Variants in DIXDC1 observed in about 807,000 individuals in gnomAD.
DIXDC1 encodes the protein DIX domain containing 1, also known as dixin.
Under a neutral mutation model 103.1 loss-of-function variants are expected in DIXDC1, and 64 were observed. The ratio of observed to expected loss-of-function variants is 0.62; its 90% CI spans 0.51 to 0.76. The LOEUF (loss-of-function observed/expected upper bound fraction) is 0.76. Among genes scored for constraint, DIXDC1 ranks in the 30% least tolerant of loss-of-function variants. DIXDC1 has a pLI of 0.00. For missense variants in DIXDC1, 759 were observed against 834.2 expected, an observed-to-expected ratio of 0.91 and a Z score of 1.11; for synonymous variants, 266 against 298.5, an observed-to-expected ratio of 0.89 and a Z score of 1.12.
At chr11:111,955,703 C>T (rs1966903750) in intron 1 of DIXDC1, among the ~76,000 whole-genome samples, 2 of 150,572 alleles carry the variant, frequency 1.3e-5, no homozygotes, top group African/African-American at 2.4e-5. Context: ...GGCATAGTGG[C>T]GCATGCCTGT....
chr11:111,951,856 A>G (rs1592555973), intron 1 of DIXDC1, among the ~76,000 whole-genome samples: 1 of 129,278 alleles, frequency 7.7e-6, no homozygotes, highest in East Asian at 2.3e-4. Context: ...GTGGAACTAT[A>G]AGTCCATTAA....
intron 1 of DIXDC1, among the ~76,000 whole-genome samples, chr11:111,952,356 C>T (rs1966839531): frequency 6.6e-6 from 1 of 152,126 alleles, no homozygotes; most frequent in African/African-American, 2.4e-5. Context: ...CAAATTGACA[C>T]TAAAGTTCAT....
chr11:112,007,084 A>G (rs1042882294), intron 17 of DIXDC1, among the ~76,000 whole-genome samples: 2 of 152,250 alleles, frequency 1.3e-5, no homozygotes, highest in African/African-American at 2.4e-5. Flanking sequence ...ATGGCTAACT[A>G]GAATAAACAG....
chr11:111,940,193 A>G (rs1555168669), intron 1 of DIXDC1, among the ~76,000 whole-genome samples: 1 of 152,262 alleles, frequency 6.6e-6, no homozygotes, highest in Admixed American at 6.5e-5. Flanking sequence ...GCCACTATGT[A>G]TAGCCATGCA....
At chr11:111,927,643 G>C (rs1216114516) in intron 1 of DIXDC1, among the ~76,000 whole-genome samples, 2 of 152,100 alleles carry the variant, frequency 1.3e-5, no homozygotes, top group Non-Finnish European at 2.9e-5. Context: ...CTGCCTCTCT[G>C]CTGGTCCCTA....
rs1311551010 is a variant in DIXDC1, at chr11:112,010,771, C to G, written c.1757-5920C>G. On this transcript the variant is annotated intron_variant, in intron 17 of 19. Coordinates refer to ENST00000440460, the MANE Select transcript of DIXDC1 (RefSeq NM_001037954.4). Reference sequence around the variant, plus strand: ...CATATGTAGAAAGTTGAAACTGGATCCCTTCCTTACACCTTATACAAAAAT... The same window carrying G: ...CATATGTAGAAAGTTGAAACTGGATGCCTTCCTTACACCTTATACAAAAAT... Among the ~76,000 whole-genome samples the G allele has an allele frequency of 2.6e-5, 4 of 152,158 alleles. No individual in the cohort carries two copies. In the East Asian group the frequency reaches 7.7e-4, roughly 29 times the overall value.
Position 112,017,787 on chromosome 11 carries a change from G to T in DIXDC1, c.1873G>T (p.Val625Leu), listed in dbSNP as rs1322409992. ...MVNIPKRLEE[V>L]TLKDFKAAID... ...CTCCTTGTGTTGCAGGTTGGAGGAG[G>T]TGACGTTAAAGGATTTTAAAGCAGC... Residue 625 changes from valine (V) to leucine (L), a missense_variant, in exon 19 of 20, where the codon GTG becomes TTG. This residue lies in a region of DIXDC1 where 657 missense variants were observed against 727.5 expected (regional missense o/e 0.90). Coordinates refer to ENST00000440460, the MANE Select transcript of DIXDC1 (RefSeq NM_001037954.4). This position sits in a 1 kb window ranked among gnomAD's most constrained non-coding sequence, Gnocchi z 4.0. 2 of 1,609,250 alleles carry T rather than the reference G, an allele frequency of 1.2e-6. No homozygotes were observed. The highest frequency in any genetic ancestry group is 1.7e-6 in the Non-Finnish European group (2 of 1,177,598).
intron 17 of DIXDC1, among the ~76,000 whole-genome samples, chr11:112,004,089 T>C (rs1861158575): frequency 6.9e-6 from 1 of 145,788 alleles, no homozygotes; most frequent in African/African-American, 2.7e-5. Context: ...TGTGTATATG[T>C]GTATATATAT....
upstream of DIXDC1, among the ~76,000 whole-genome samples, chr11:111,933,867 A>G (rs1966116470): frequency 6.6e-6 from 1 of 152,142 alleles, no homozygotes; most frequent in African/African-American, 2.4e-5. Flanking sequence ...TCTTATTTTT[A>G]TGCAGAGAGA....
At chr11:112,007,598 CA>C (rs1861276386) in intron 17 of DIXDC1, among the ~76,000 whole-genome samples, 1 of 152,210 alleles carries the variant, frequency 6.6e-6, no homozygotes, top group South Asian at 2.1e-4. Flanking sequence ...ATCAGACTAA[CA>C]GCGGATCTCT....
chr11:111,986,645 T>G (rs1183139784), intron 8 of DIXDC1, among the ~76,000 whole-genome samples: 3 of 152,094 alleles, frequency 2.0e-5, no homozygotes, highest in African/African-American at 7.2e-5. Context: ...ATTACAGATG[T>G]GAGCCACCAC....
Position 111,977,843 on chromosome 11 carries a change from CAG to C in DIXDC1, c.656+2861_656+2862del. The stretch of plus-strand genomic sequence containing the variant: ...TGGAAGTGGGGGGCCTGGGTGGGAA[CAG>C]GGGCAGGGCTGGAGGATGCTGTTGG... On this transcript the variant is annotated intron_variant, in intron 5 of 19. Transcript: ENST00000440460. The surrounding 1 kb of genome is among the most constrained non-coding windows in gnomAD (Gnocchi z 6.1). The C allele has an allele frequency of 6.5e-7, 1 of 1,529,624 alleles. No homozygotes were observed. The highest frequency in any genetic ancestry group is 1.2e-5 in the South Asian group (1 of 81,716). The allele number at this position is 1,529,624 out of a possible 1,614,324, so 94.8% of individuals were successfully genotyped here. A position where few individuals can be genotyped will look rare whatever the true frequency, so the allele number is the denominator to read the frequency against.
At chr11:111,987,384 G>T (rs587647780) in intron 9 of DIXDC1, among the ~76,000 whole-genome samples, 6 of 152,140 alleles carry the variant, frequency 3.9e-5, no homozygotes, top group African/African-American at 1.4e-4. Context: ...TGTCAGGAAG[G>T]TAATAACTTT....
chr11:112,001,959 G>T (rs1190591895), intron 17 of DIXDC1, among the ~76,000 whole-genome samples: 2 of 152,006 alleles, frequency 1.3e-5, no homozygotes, highest in African/African-American at 4.8e-5. Context: ...TTTTCACCAT[G>T]TTGGCCAGAC....
intron 17 of DIXDC1, among the ~76,000 whole-genome samples, chr11:111,996,537 T>C (rs1308952902): frequency 6.6e-6 from 1 of 152,184 alleles, no homozygotes; most frequent in African/African-American, 2.4e-5. Context: ...GTTTAATTTC[T>C]TTGGAGATAT....
In DIXDC1 at chr11:111,977,838, G is replaced by T. The variant is rs781916491; in HGVS notation, c.656+2855G>T. 1.3e-6 allele frequency: 2 copies of T among 1,536,858 alleles called. No homozygotes were observed. The highest frequency in any genetic ancestry group is 5.1e-5 in the East Asian group (2 of 39,206). On this transcript the variant is annotated intron_variant, in intron 5 of 19. Coordinates refer to ENST00000440460, the MANE Select transcript of DIXDC1 (RefSeq NM_001037954.4). The surrounding 1 kb of genome is among the most constrained non-coding windows in gnomAD (Gnocchi z 6.1). The stretch of plus-strand genomic sequence containing the variant: ...GGCTTTGGAAGTGGGGGGCCTGGGT[G>T]GGAACAGGGGCAGGGCTGGAGGATG...
rs1348545876 is a variant in DIXDC1 at position 112,015,788 on chromosome 11, C to T, written c.1757-903C>T. Among the ~76,000 whole-genome samples the T allele has an allele frequency of 4.6e-5, 6 of 131,262 alleles. No homozygotes were observed. The East Asian group carries it at 1.4e-3, about 31-fold the overall frequency. The allele number at this position is 131,262 out of a possible 152,430, so 86.1% of individuals were successfully genotyped here. On this transcript the variant is annotated intron_variant, in intron 17 of 19. Transcript: ENST00000440460. ...CTGCACTCCAGCCTGGGCGACAGAG[C>T]GAGACCCTGTCTTTTTTTTTTTTTT...
At chr11:111,965,494 A>T (rs1408966877) in intron 2 of DIXDC1, among the ~76,000 whole-genome samples, 5 of 152,208 alleles carry the variant, frequency 3.3e-5, no homozygotes, top group African/African-American at 1.2e-4. Context: ...TGCAAGTGGT[A>T]CGGAAGAAGC....
chr11:111,952,057 G>A (rs1481002062), intron 1 of DIXDC1, among the ~76,000 whole-genome samples: 3 of 152,126 alleles, frequency 2.0e-5, no homozygotes, highest in Non-Finnish European at 4.4e-5. Flanking sequence ...GTACAGATGG[G>A]GTTTCACCAT....
Sources: allele counts gnomAD v4.1 joint callset (sites outside exome capture counted in the v4.1 genomes callset), GRCh38; gene constraint gnomAD v4.1.1; regional missense constraint gnomAD v4.1.1; non-coding constraint Gnocchi (gnomAD v3.1); transcripts MANE v1.5; gene names NCBI Gene and HGNC (gene_info 2026-07-23, HGNC 2026-07-21).